Variants in LDLRAD3 observed in about 807,000 individuals in gnomAD.
LDLRAD3 encodes low-density lipoprotein receptor class A domain-containing protein 3.
Under a neutral mutation model 29.4 loss-of-function variants are expected in LDLRAD3, and 20 were observed. The ratio of observed to expected loss-of-function variants is 0.68; its 90% CI spans 0.48 to 0.99. LDLRAD3 has a LOEUF of 0.99. Among genes scored for constraint, LDLRAD3 ranks in the 50% least tolerant of loss-of-function variants. The probability of loss-of-function intolerance (pLI) is 0.00; values close to 1 mark genes in which losing one functional copy is unlikely to be tolerated. For synonymous variants in LDLRAD3, 157 were observed against 192.7 expected, an observed-to-expected ratio of 0.81 and a Z score of 1.53; for missense variants, 420 against 454.3, an observed-to-expected ratio of 0.92 and a Z score of 0.69.
At chr11:36,097,714 C>CA (rs1222541619) in intron 3 of LDLRAD3, among the ~76,000 whole-genome samples, 1 of 152,074 alleles carries the variant, frequency 6.6e-6, no homozygotes, top group Non-Finnish European at 1.5e-5. Context: ...ATATACTTAA[C>CA]AAAAATGTAC....
chr11:35,971,130 T>C (rs1229816483), intron 1 of LDLRAD3, among the ~76,000 whole-genome samples: 1 of 152,212 alleles, frequency 6.6e-6, no homozygotes, highest in South Asian at 2.1e-4. Context: ...CATTTCTTCC[T>C]GATCTCTCTA....
intron 2 of LDLRAD3, among the ~76,000 whole-genome samples, chr11:36,051,601 G>A (rs79880613): frequency 0.093 from 14,197 of 152,094 alleles, 896 homozygotes; most frequent in Admixed American, 0.15. Context: ...AAATTCTCCT[G>A]TATAAAAGTT....
chr11:36,150,737 A>G (rs1272479864), intron 4 of LDLRAD3, among the ~76,000 whole-genome samples: 1 of 152,142 alleles, frequency 6.6e-6, no homozygotes, highest in Non-Finnish European at 1.5e-5. Flanking sequence ...CCTGGGCAAC[A>G]GAGCAAGACT....
Position 35,955,584 on chromosome 11 carries a change from A to G in LDLRAD3, c.46+11440A>G, listed in dbSNP as rs117919869. 2.3e-3 allele frequency among the ~76,000 whole-genome samples: 354 copies of G among 152,368 alleles called. 12 individuals carry two copies. In the East Asian group the frequency reaches 0.047, roughly 20 times the overall value. On this transcript the variant is annotated intron_variant, in intron 1 of 5. Transcript: ENST00000315571. ...GTAAGGACTACTTTTATGGTATCAT[A>G]TAAGTAATTTCATAGCATTAAGCAT...
intron 1 of LDLRAD3, among the ~76,000 whole-genome samples, chr11:36,031,311 C>T (rs1565173518): frequency 6.6e-6 from 1 of 152,154 alleles, no homozygotes; most frequent in South Asian, 2.1e-4. Flanking sequence ...GTCCTGCTGT[C>T]GGCCTGAAAA....
At chr11:36,074,563 G>T (rs1852963294) in intron 2 of LDLRAD3, among the ~76,000 whole-genome samples, 1 of 152,164 alleles carries the variant, frequency 6.6e-6, no homozygotes. Flanking sequence ...TGGCCTTCAT[G>T]AGAAAGCCTG....
At chr11:36,119,453 C>T (rs1207564515) in intron 4 of LDLRAD3, among the ~76,000 whole-genome samples, 1 of 151,354 alleles carries the variant, frequency 6.6e-6, no homozygotes, top group Non-Finnish European at 1.5e-5. Flanking sequence ...ACCAGCAGTG[C>T]ATGAAGGTTC....
At chr11:36,056,801 C>T (rs149589892) in intron 2 of LDLRAD3, among the ~76,000 whole-genome samples, 75 of 152,296 alleles carry the variant, frequency 4.9e-4, no homozygotes, top group African/African-American at 1.7e-3. Context: ...TCTCAGGGCA[C>T]TCTCCACTAA....
intron 2 of LDLRAD3, among the ~76,000 whole-genome samples, chr11:36,040,014 GT>G: frequency 6.6e-6 from 1 of 152,174 alleles, no homozygotes; most frequent in South Asian, 2.1e-4. Flanking sequence ...GACTGGTTCT[GT>G]GTCTTGCTTA....
intron 1 of LDLRAD3, among the ~76,000 whole-genome samples, chr11:35,973,560 G>C (rs759739502): frequency 6.6e-6 from 1 of 152,084 alleles, no homozygotes; most frequent in Non-Finnish European, 1.5e-5. Context: ...AGCCTCCTGG[G>C]TTCAAGCTAT....
intron 4 of LDLRAD3, among the ~76,000 whole-genome samples, chr11:36,166,605 T>C (rs529127079): frequency 2.0e-5 from 3 of 152,364 alleles, no homozygotes; most frequent in South Asian, 4.1e-4. Context: ...TTCCCTGTTA[T>C]TTCTACTTTG....
At chr11:36,134,018 C>T (rs894236130) in intron 4 of LDLRAD3, among the ~76,000 whole-genome samples, 1 of 151,946 alleles carries the variant, frequency 6.6e-6, no homozygotes, top group African/African-American at 2.4e-5. Context: ...CACACACATG[C>T]ATGCATAGCG....
In LDLRAD3 at chr11:36,086,479, T is replaced by C. The variant is rs75972288; in HGVS notation, c.319+4701T>C. 6.7e-4 allele frequency among the ~76,000 whole-genome samples: 102 copies of C among 152,308 alleles called. No individual in the cohort carries two copies. The East Asian group carries it at 0.019, about 29-fold the overall frequency. On this transcript the variant is annotated intron_variant, in intron 3 of 5. Coordinates refer to ENST00000315571, the MANE Select transcript of LDLRAD3 (RefSeq NM_174902.4). ...TCTGTGGGCTATGGTTACAATCGTTTTCACGCTGTTTTTGCAATGCTATTT... is the reference window on the plus strand; with the variant it reads ...TCTGTGGGCTATGGTTACAATCGTTCTCACGCTGTTTTTGCAATGCTATTT...
chr11:36,190,030 C>T (rs781363080), intron 4 of LDLRAD3, among the ~76,000 whole-genome samples: 1 of 138,778 alleles, frequency 7.2e-6, no homozygotes, highest in Non-Finnish European at 1.5e-5. Context: ...TTGACAGAAA[C>T]CTTGAATATG....
intron 4 of LDLRAD3, among the ~76,000 whole-genome samples, chr11:36,181,923 A>T (rs1854769705): frequency 6.7e-6 from 1 of 149,882 alleles, no homozygotes; most frequent in Non-Finnish European, 1.5e-5. Context: ...TCTCTCTCTC[A>T]CTGTTTCTCT....
At chr11:35,989,989 G>A (rs959921322) in intron 1 of LDLRAD3, among the ~76,000 whole-genome samples, 3 of 152,048 alleles carry the variant, frequency 2.0e-5, no homozygotes, top group African/African-American at 7.2e-5. Flanking sequence ...GCAATATTTG[G>A]TGCCTCTTAG....
chr11:36,008,374 C>G (rs1304736838), intron 1 of LDLRAD3, among the ~76,000 whole-genome samples: 1 of 152,132 alleles, frequency 6.6e-6, no homozygotes, highest in Non-Finnish European at 1.5e-5. Context: ...CTCCAGGGTT[C>G]ATGGAAGACG....
At chr11:36,006,035 A>G (rs932551933) in intron 1 of LDLRAD3, among the ~76,000 whole-genome samples, 68 of 152,064 alleles carry the variant, frequency 4.5e-4, no homozygotes, top group Non-Finnish European at 5.9e-5. Flanking sequence ...TCCAAACCAT[A>G]TCTAAGATGT....
chr11:36,037,890 T>C (rs946386661), intron 2 of LDLRAD3, among the ~76,000 whole-genome samples: 1 of 152,228 alleles, frequency 6.6e-6, no homozygotes, highest in African/African-American at 2.4e-5. Context: ...CTATACACAC[T>C]GAATTTTTAT....
Sources: allele counts gnomAD v4.1 joint callset (sites outside exome capture counted in the v4.1 genomes callset), GRCh38; gene constraint gnomAD v4.1.1; transcripts MANE v1.5; gene names NCBI Gene and HGNC (gene_info 2026-07-23, HGNC 2026-07-21).